The following GFRA1 variants were observed in gnomAD, a reference collection of about 807,000 sequenced individuals.
GFRA1 encodes the protein GDNF family receptor alpha 1.
In GFRA1, 16 loss-of-function variants were observed where a neutral mutation model predicts 51.6. That is an observed-to-expected ratio of 0.31 (90% CI 0.21 to 0.47). The LOEUF (loss-of-function observed/expected upper bound fraction) is 0.47. Ranked by LOEUF, GFRA1 falls within the 20% of genes least tolerant of loss-of-function variation. The pLI, the probability that GFRA1 is intolerant of heterozygous loss-of-function variation, is 1.00. For missense variants in GFRA1, 530 were observed against 594.3 expected (o/e 0.89, Z 1.13); for synonymous variants, 270 against 241.3 (o/e 1.12, Z -1.10).
At chr10:116,246,379 C>T (rs1167672809) in intron 4 of GFRA1, among the ~76,000 whole-genome samples, 1 of 152,092 alleles carries the variant, frequency 6.6e-6, no homozygotes, top group Non-Finnish European at 1.5e-5. Context: ...TGCAGTGAGA[C>T]GAGGTTGCGC....
chr10:116,199,451 A>G (rs1023554045), intron 5 of GFRA1, among the ~76,000 whole-genome samples: 1 of 152,276 alleles, frequency 6.6e-6, no homozygotes, highest in Admixed American at 6.5e-5. Context: ...TTTATTATAA[A>G]GTTTTCAAAT....
intron 9 of GFRA1, among the ~76,000 whole-genome samples, chr10:116,069,995 G>C (rs1178319858): frequency 6.6e-6 from 1 of 152,104 alleles, no homozygotes; most frequent in Non-Finnish European, 1.5e-5. Context: ...CAGATTTTAG[G>C]CAGCCGTCAG....
chr10:116,193,621 G>C (rs1589859797), intron 5 of GFRA1, among the ~76,000 whole-genome samples: 1 of 152,206 alleles, frequency 6.6e-6, no homozygotes, highest in African/African-American at 2.4e-5. Flanking sequence ...CCTGAGAAGA[G>C]ACAGAGAGGG....
chr10:116,212,417 G>T (rs1438623475), intron 4 of GFRA1, among the ~76,000 whole-genome samples: 1 of 152,000 alleles, frequency 6.6e-6, no homozygotes, highest in Non-Finnish European at 1.5e-5. Flanking sequence ...CTACTCGGGA[G>T]GCTGAGGCAG....
intron 5 of GFRA1, among the ~76,000 whole-genome samples, chr10:116,145,361 A>C (rs1307528005): frequency 3.9e-5 from 6 of 152,052 alleles, no homozygotes. Context: ...AAGACTGTCA[A>C]GCTTAAAAAT....
rs542951443 is a variant in GFRA1 at position 116,202,711 on chromosome 10, G to A, written c.433+8920C>T. The stretch of plus-strand genomic sequence containing the variant: ...ACACTCTTTTAAACCATTAGATCTC[G>A]TGAGAACTTACTCACTATCATGAGA... On this transcript the variant is annotated intron_variant, in intron 5 of 10. Coordinates refer to ENST00000355422, the MANE Select transcript of GFRA1 (RefSeq NM_005264.8). Among the ~76,000 whole-genome samples, 6 of 152,218 alleles carry A rather than the reference G, an allele frequency of 3.9e-5. No individual in the cohort carries two copies. The East Asian group carries it at 7.8e-4, about 20-fold the overall frequency.
intron 6 of GFRA1, among the ~76,000 whole-genome samples, chr10:116,100,441 C>T (rs1373333315): frequency 6.6e-6 from 1 of 152,170 alleles, no homozygotes; most frequent in Non-Finnish European, 1.5e-5. Flanking sequence ...GGAGATCATT[C>T]TCAACTGCTG....
chr10:116,085,026 G>A (rs896923895), intron 9 of GFRA1, among the ~76,000 whole-genome samples: 5 of 152,138 alleles, frequency 3.3e-5, no homozygotes, highest in Non-Finnish European at 4.4e-5. Context: ...GGAGCTTGGC[G>A]GGTAACCCAA....
chr10:116,175,885 G>C (rs1473813663), intron 5 of GFRA1, among the ~76,000 whole-genome samples: 1 of 152,112 alleles, frequency 6.6e-6, no homozygotes. Flanking sequence ...TAAGCATGAA[G>C]TCGAAAAGCA....
rs1310542115 is a variant in GFRA1 at position 116,063,644 on chromosome 10, C to T, written c.*754G>A. On this transcript the variant is annotated 3_prime_UTR_variant, in exon 11 of 11. Coordinates refer to ENST00000355422, the MANE Select transcript of GFRA1 (RefSeq NM_005264.8). ...CTTTTGTTAGGTAAAGGGCTTCTCA[C>T]TCAGGTAAGGCTTAGGATTAGGAGA... 6.6e-6 allele frequency: 1 copy of T among 152,166 alleles called. No homozygotes were observed. Among genetic ancestry groups the T allele is most frequent in the Admixed American group, 6.6e-5 (1 of 15,260 alleles). 9.4% of individuals were successfully genotyped at this position (152,166 alleles called of 1,614,324 possible).
intron 6 of GFRA1, among the ~76,000 whole-genome samples, chr10:116,120,885 T>C (rs1957614597): frequency 6.6e-6 from 1 of 152,202 alleles, no homozygotes; most frequent in African/African-American, 2.4e-5. Flanking sequence ...CTGAGTTTTT[T>C]CTCAACAGCG....
At chr10:116,109,557 C>T (rs1226940427) in intron 6 of GFRA1, among the ~76,000 whole-genome samples, 1 of 152,228 alleles carries the variant, frequency 6.6e-6, no homozygotes, top group Non-Finnish European at 1.5e-5. Flanking sequence ...CCTCTCTGGG[C>T]ACCCCTTCCC....
chr10:116,123,786 A>C (rs557759554), intron 6 of GFRA1, among the ~76,000 whole-genome samples: 2 of 152,308 alleles, frequency 1.3e-5, no homozygotes, highest in Admixed American at 1.3e-4. Context: ...AAGTTCTGGG[A>C]AGGACACACA....
At chr10:116,219,920 G>T (rs571377036) in intron 4 of GFRA1, among the ~76,000 whole-genome samples, 32 of 152,264 alleles carry the variant, frequency 2.1e-4, no homozygotes, top group African/African-American at 7.7e-4. Flanking sequence ...TGCAGGCAAA[G>T]CCATTCACCT....
intron 4 of GFRA1, among the ~76,000 whole-genome samples, chr10:116,250,157 C>T (rs577440417): frequency 6.6e-6 from 1 of 152,258 alleles, no homozygotes; most frequent in African/African-American, 2.4e-5. Context: ...GGAAATGGGG[C>T]TTGATGAGGC....
chr10:116,105,718 G>C (rs1176902064), intron 6 of GFRA1, among the ~76,000 whole-genome samples: 1 of 152,208 alleles, frequency 6.6e-6, no homozygotes, highest in African/African-American at 2.4e-5. Flanking sequence ...ATTTGGTTCA[G>C]AGATTTCCAG....
chr10:116,086,341 G>C (rs1452510548), intron 9 of GFRA1, among the ~76,000 whole-genome samples: 1 of 152,190 alleles, frequency 6.6e-6, no homozygotes, highest in African/African-American at 2.4e-5. Flanking sequence ...CTTGGGATCA[G>C]ACACCAAACT....
intron 5 of GFRA1, among the ~76,000 whole-genome samples, chr10:116,144,660 A>C (rs1471488201): frequency 2.6e-5 from 4 of 152,214 alleles, no homozygotes; most frequent in Admixed American, 6.5e-5. Flanking sequence ...AAAAGATAAA[A>C]TTAGATTCAT....
chr10:116,093,621 G>A (rs1190102058), intron 8 of GFRA1, 81 bp downstream of exon 8: 43 of 1,244,404 alleles, frequency 3.5e-5, no homozygotes, highest in Non-Finnish European at 1.2e-6. Flanking sequence ...AGAGGTACAG[G>A]CACAAGGTAC....
Sources: gnomAD v4.1 joint callset for allele counts (sites outside exome capture counted in the v4.1 genomes callset) on GRCh38, gnomAD v4.1.1 for gene constraint, MANE v1.5 for transcripts, NCBI Gene and HGNC (gene_info 2026-07-23, HGNC 2026-07-21) for gene names.